Variants in HEPACAM observed in about 807,000 individuals in gnomAD.
HEPACAM encodes hepatic and glial cell adhesion molecule, also known as hepatocyte cell adhesion molecule.
HEPACAM carries 18 observed loss-of-function variants against 38.3 expected under a neutral mutation model. The ratio of observed to expected loss-of-function variants is 0.47; its 90% CI spans 0.33 to 0.70. The LOEUF (loss-of-function observed/expected upper bound fraction) is 0.70. Ranked by LOEUF, HEPACAM falls within the 30% of genes least tolerant of loss-of-function variation. The pLI is 0.03. For synonymous variants in HEPACAM, 216 were observed against 243.1 expected, an observed-to-expected ratio of 0.89 and a Z score of 1.04; for missense variants, 466 against 563.0, an observed-to-expected ratio of 0.83 and a Z score of 1.74.
chr11:124,925,391 T>G (rs759260790), intron 1 of HEPACAM, among the ~76,000 whole-genome samples: 3 of 152,244 alleles, frequency 2.0e-5, no homozygotes, highest in Non-Finnish European at 4.4e-5. Context: ...AAATATTTAT[T>G]GAACATCTCC....
Position 124,919,690 on chromosome 11 carries a change from G to T in HEPACAM, c.*1448C>A, listed in dbSNP as rs954043970. The T allele has an allele frequency of 1.3e-6, 2 of 1,580,928 alleles. No individual in the cohort carries two copies. Among genetic ancestry groups the T allele is most frequent in the Non-Finnish European group, 1.7e-6 (2 of 1,162,306 alleles). On this transcript the variant is annotated 3_prime_UTR_variant, in exon 7 of 7. Coordinates refer to ENST00000298251, the MANE Select transcript of HEPACAM (RefSeq NM_152722.5). ...ATGCTGTGGGGTTCAGGGCAGAGGG[G>T]GCAAACTAGAAATGTCAGTGCCTTT...
intron 1 of HEPACAM, among the ~76,000 whole-genome samples, chr11:124,932,952 T>A (rs2135407444): frequency 6.6e-6 from 1 of 152,264 alleles, no homozygotes; most frequent in Middle Eastern, 3.4e-3. Flanking sequence ...AGTCTGAAAC[T>A]ACAATGGGCT....
In HEPACAM at chr11:124,919,850, A is replaced by T. The variant is rs777901233; in HGVS notation, c.*1288T>A. The T allele has an allele frequency of 3.7e-6, 6 of 1,613,800 alleles. No individual in the cohort carries two copies. In the East Asian group the frequency reaches 1.3e-4, roughly 36 times the overall value. ...GCAAGGACCCTTGGAGGCATTAAGG[A>T]GGAGGGAATGGAATACACAGAGGGC... is the stretch of plus-strand genomic sequence containing the variant. On this transcript the variant is annotated 3_prime_UTR_variant, in exon 7 of 7. Coordinates refer to ENST00000298251, the MANE Select transcript of HEPACAM (RefSeq NM_152722.5).
rs2135394054 is a variant in HEPACAM at position 124,920,306 on chromosome 11, T to C, written c.*832A>G. 1 of 1,287,296 alleles carries C rather than the reference T, an allele frequency of 7.8e-7. No homozygotes were observed. The highest frequency in any genetic ancestry group is 2.6e-5 in the East Asian group (1 of 39,020). The allele number at this position is 1,287,296 out of a possible 1,614,324, so 79.7% of individuals were successfully genotyped here. On this transcript the variant is annotated 3_prime_UTR_variant, in exon 7 of 7. Coordinates refer to ENST00000298251, the MANE Select transcript of HEPACAM (RefSeq NM_152722.5). ...AACAGTTCCTCATTTGGTCTAGTTT[T>C]CGGGCCAGGGGAGTAAGTGAAATTC...
At chr11:124,922,313 G>T in intron 6 of HEPACAM, 75 bp downstream of exon 6, 2 of 1,406,696 alleles carry the variant, frequency 1.4e-6, no homozygotes, top group Non-Finnish European at 2.0e-6. Context: ...TAGGAATATA[G>T]TATGGCTCCC....
Position 124,921,402 on chromosome 11 carries a change from A to G in HEPACAM, c.987T>C (p.Pro329=). The G allele has an allele frequency of 7.9e-7, 1 of 1,270,570 alleles. No individual in the cohort carries two copies. The highest frequency in any genetic ancestry group is 9.9e-7 in the Non-Finnish European group (1 of 1,010,254). The allele number at this position is 1,270,570 out of a possible 1,614,324, so 78.7% of individuals were successfully genotyped here. A position where few individuals can be genotyped will look rare whatever the true frequency, so the allele number is the denominator to read the frequency against. ...PETEENPAPE[P]RSATEPGPPG... ...GCGGGCCGGGCTCCGTCGCGCTTCGAGGCTCCGGGGCCGGGTTCTCCTCGG... is the reference window on the plus strand; with the variant it reads ...GCGGGCCGGGCTCCGTCGCGCTTCGGGGCTCCGGGGCCGGGTTCTCCTCGG... The change falls in exon 7 of 7, where the codon CCT becomes CCC. Residue 329 remains proline, a synonymous_variant. Coordinates refer to ENST00000298251, the MANE Select transcript of HEPACAM (RefSeq NM_152722.5). The surrounding 1 kb of genome is among the most constrained non-coding windows in gnomAD (Gnocchi z 4.6).
chr11:124,927,618 G>A (rs948522365), intron 1 of HEPACAM, among the ~76,000 whole-genome samples: 3 of 148,148 alleles, frequency 2.0e-5, no homozygotes, highest in Non-Finnish European at 4.5e-5. Context: ...ATCCACCCGT[G>A]TTGGCCTCCC....
intron 3 of HEPACAM, 136 bp downstream of exon 3, chr11:124,923,593 G>T: frequency 1.7e-6 from 2 of 1,197,860 alleles, no homozygotes; most frequent in Non-Finnish European, 2.4e-6. Context: ...GCTACCTGTT[G>T]GTGTCCTCCA....
In HEPACAM at chr11:124,921,029, G is replaced by A; in HGVS notation, c.*109C>T. On this transcript the variant is annotated 3_prime_UTR_variant, in exon 7 of 7. Coordinates refer to ENST00000298251, the MANE Select transcript of HEPACAM (RefSeq NM_152722.5). The surrounding 1 kb of genome is among the most constrained non-coding windows in gnomAD (Gnocchi z 4.6). ...ACACCCGAGACACCAGCGCCCCCCC[G>A]GGACCTCCCCTCGTCCCCAGCGCGC... is the stretch of plus-strand genomic sequence containing the variant. 2.9e-6 allele frequency: 4 copies of A among 1,396,964 alleles called. No individual in the cohort carries two copies. Among genetic ancestry groups the A allele is most frequent in the South Asian group, 3.0e-5 (2 of 65,706 alleles). 86.5% of individuals were successfully genotyped at this position (1,396,964 alleles called of 1,614,324 possible).
chr11:124,929,633 C>T (rs1031029423), intron 1 of HEPACAM, among the ~76,000 whole-genome samples: 1 of 152,158 alleles, frequency 6.6e-6, no homozygotes, highest in Admixed American at 6.5e-5. Context: ...GAAAGTTTCT[C>T]TTCCCACCAG....
Position 124,922,467 on chromosome 11 carries a change from G to A in HEPACAM, c.878-9C>T, listed in dbSNP as rs1473028297. On this transcript the variant is annotated splice_polypyrimidine_tract_variant and intron_variant, in intron 5 of 6. Coordinates refer to ENST00000298251, the MANE Select transcript of HEPACAM (RefSeq NM_152722.5). ...TCGAGGGAGGGTGTCTGCTGCACAG[G>A]GGAGAGAAGCGGGTGGCTGGCCCAG... The A allele has an allele frequency of 3.1e-6, 5 of 1,613,890 alleles. No individual in the cohort carries two copies. The Admixed American group carries it at 5.0e-5, about 16-fold the overall frequency.
In HEPACAM at chr11:124,922,759, C is replaced by T. The variant is rs181347307; in HGVS notation, c.863G>A (p.Arg288His). ...SLEYMDQNDD[R>H]LKPEADTLPR... ...TGGGAGCTCACCTTCTGGTTTCAGGCGGTCATCATTCTGATCCATGTATTC... is the reference window on the plus strand; with the variant it reads ...TGGGAGCTCACCTTCTGGTTTCAGGTGGTCATCATTCTGATCCATGTATTC... The change falls in exon 5 of 7, where the codon CGC becomes CAC. Residue 288 changes from arginine to histidine, a missense_variant. Transcript: ENST00000298251. The T allele has an allele frequency of 2.9e-5, 47 of 1,614,186 alleles. No homozygotes were observed. Among genetic ancestry groups the T allele is most frequent in the African/African-American group, 1.9e-4 (14 of 75,050 alleles).
chr11:124,923,225 C>T (rs927492010), intron 4 of HEPACAM, 115 bp downstream of exon 4: 25 of 804,024 alleles, frequency 3.1e-5, no homozygotes, highest in Admixed American at 2.9e-4. Context: ...ATGGATCTCT[C>T]GGAAAGAGAT....
In HEPACAM at chr11:124,920,093, G is replaced by C; in HGVS notation, c.*1045C>G. ...AGGGCAGATGGGTGGCAGGAGGCCAGGGGTTGGATCATGTTCCCCCCAAAT... is the reference window on the plus strand; with the variant it reads ...AGGGCAGATGGGTGGCAGGAGGCCACGGGTTGGATCATGTTCCCCCCAAAT... On this transcript the variant is annotated 3_prime_UTR_variant, in exon 7 of 7. Transcript: ENST00000298251. 4.0e-6 allele frequency: 6 copies of C among 1,499,926 alleles called. No homozygotes were observed. In the South Asian group the frequency reaches 6.4e-5, roughly 16 times the overall value. 92.9% of individuals were successfully genotyped at this position (1,499,926 alleles called of 1,614,324 possible).
chr11:124,930,542 C>T (rs922251525), intron 1 of HEPACAM, among the ~76,000 whole-genome samples: 3 of 152,168 alleles, frequency 2.0e-5, no homozygotes, highest in African/African-American at 7.2e-5. Context: ...AGATGGCACA[C>T]AGAGAGTTAC....
intron 1 of HEPACAM, among the ~76,000 whole-genome samples, chr11:124,928,812 A>G (rs923491119): frequency 2.0e-5 from 3 of 152,152 alleles, no homozygotes; most frequent in East Asian, 3.8e-4. Flanking sequence ...ACATATGTTG[A>G]TTGATGTCTA....
intron 1 of HEPACAM, among the ~76,000 whole-genome samples, chr11:124,935,400 G>A (rs1445845972): frequency 2.0e-5 from 3 of 152,186 alleles, no homozygotes; most frequent in Non-Finnish European, 2.9e-5. Context: ...GGGGGCGGTA[G>A]AGGAGGTAAG....
intron 1 of HEPACAM, 43 bp from the exon 2 acceptor site, chr11:124,925,112 T>C (rs1223608867): frequency 3.3e-6 from 5 of 1,497,712 alleles, no homozygotes; most frequent in Middle Eastern, 2.2e-4. Context: ...CATCAGGCCC[T>C]GGGCTCCTTA....
chr11:124,923,272 A>T, intron 4 of HEPACAM, 68 bp downstream of exon 4: 2 of 1,049,576 alleles, frequency 1.9e-6, no homozygotes. Context: ...AAAGAGACTT[A>T]AGAAAATAAT....
Sources: gnomAD v4.1 joint callset for allele counts (sites outside exome capture counted in the v4.1 genomes callset) on GRCh38, gnomAD v4.1.1 for gene constraint, Gnocchi (gnomAD v3.1) non-coding constraint, MANE v1.5 for transcripts, NCBI Gene and HGNC (gene_info 2026-07-23, HGNC 2026-07-21) for gene names.